RANBP2: variants seen among roughly 807,000 people sequenced by gnomAD.
RANBP2 encodes E3 SUMO-protein ligase RanBP2.
A neutral mutation model predicts 303.6 loss-of-function variants in RANBP2; 57 were observed. The ratio of observed to expected loss-of-function variants is 0.19; its 90% CI spans 0.15 to 0.23. RANBP2 has a LOEUF of 0.23. Among genes scored for constraint, RANBP2 ranks in the 10% least tolerant of loss-of-function variants. The pLI is 1.00. For synonymous variants in RANBP2, 1,167 were observed against 1,301.5 expected, an observed-to-expected ratio of 0.90 and a Z score of 2.23; for missense variants, 3,138 against 3,780.8, an observed-to-expected ratio of 0.83 and a Z score of 4.46.
At chr2:109,221,765 A>G in the RANBP2 span, among the ~76,000 whole-genome samples, 2 of 152,166 alleles carry the variant, frequency 1.3e-5, no homozygotes, top group African/African-American at 2.4e-5. Flanking sequence ...GTGGGAACAT[A>G]AATAAGGCAG....
At chr2:109,469,414 A>G in the RANBP2 span, among the ~76,000 whole-genome samples, 7 of 152,304 alleles carry the variant, frequency 4.6e-5, no homozygotes, top group East Asian at 9.7e-4. Context: ...TTGGTTTTCC[A>G]TGCATGCATC....
chr2:109,442,522 G>A, the RANBP2 span, among the ~76,000 whole-genome samples: 1 of 152,052 alleles, frequency 6.6e-6, no homozygotes, highest in African/African-American at 2.4e-5. Context: ...AAAAGTGAAA[G>A]CAATCTAGTT....
the RANBP2 span, among the ~76,000 whole-genome samples, chr2:109,311,566 G>T: frequency 6.6e-6 from 1 of 152,186 alleles, no homozygotes; most frequent in Non-Finnish European, 1.5e-5. Context: ...CCTGTTTGCA[G>T]ACGACATGAT....
rs1349655661 is a variant in RANBP2, at chr2:108,775,949, A to G, written c.8497+13A>G. The G allele has an allele frequency of 1.3e-6, 2 of 1,597,858 alleles. No homozygotes were observed. The highest frequency in any genetic ancestry group is 1.7e-6 in the Non-Finnish European group (2 of 1,173,262). Reference sequence around the variant, plus strand: ...TCTACAAGCCAAGGTAAATCTTGATATATGTTTATCATGTGTTACATAAGG... The same window carrying G: ...TCTACAAGCCAAGGTAAATCTTGATGTATGTTTATCATGTGTTACATAAGG... On this transcript the variant is annotated intron_variant, in intron 24 of 28. Coordinates refer to ENST00000283195, the MANE Select transcript of RANBP2 (RefSeq NM_006267.5).
At chr2:108,816,522 G>A in the RANBP2 span, among the ~76,000 whole-genome samples, 16 of 135,592 alleles carry the variant, frequency 1.2e-4, no homozygotes, top group African/African-American at 3.8e-4. Context: ...CTCCTGCAGA[G>A]TCCAGAGGTG....
At chr2:108,930,128 G>A in the RANBP2 span, 1 of 1,613,654 alleles carries the variant, frequency 6.2e-7, no homozygotes, top group Non-Finnish European at 8.5e-7. Flanking sequence ...ACCAGGTAGG[G>A]CTCCTCTCCC....
At chr2:109,480,297 C>T in the RANBP2 span, among the ~76,000 whole-genome samples, 1 of 152,314 alleles carries the variant, frequency 6.6e-6, no homozygotes, top group African/African-American at 2.4e-5. Context: ...TGTTTGATCC[C>T]CACAGCCACC....
chr2:109,235,222 T>G, the RANBP2 span, among the ~76,000 whole-genome samples: 4 of 152,130 alleles, frequency 2.6e-5, no homozygotes, highest in African/African-American at 9.7e-5. Flanking sequence ...ACAGCGAGCA[T>G]GTAAAATAGA....
chr2:109,131,807 A>G, the RANBP2 span, among the ~76,000 whole-genome samples: 2 of 152,236 alleles, frequency 1.3e-5, no homozygotes, highest in African/African-American at 4.8e-5. Context: ...TTATGGGTGC[A>G]TAGTCATGTT....
chr2:108,987,518 G>C, the RANBP2 span, among the ~76,000 whole-genome samples: 1 of 152,238 alleles, frequency 6.6e-6, no homozygotes, highest in East Asian at 1.9e-4. Flanking sequence ...CCAACAAAAT[G>C]AAAGTCCAGC....
chr2:109,206,976 A>G, the RANBP2 span, among the ~76,000 whole-genome samples: 2 of 152,174 alleles, frequency 1.3e-5, no homozygotes, highest in African/African-American at 2.4e-5. Context: ...ATGAACTTCA[A>G]CACACCTCTG....
chr2:109,189,114 G>A, the RANBP2 span, among the ~76,000 whole-genome samples: 1 of 152,142 alleles, frequency 6.6e-6, no homozygotes, highest in Admixed American at 6.5e-5. Context: ...TGCCTCCACT[G>A]CCTTGCTAGC....
chr2:109,324,290 G>A, the RANBP2 span, among the ~76,000 whole-genome samples: 1 of 152,108 alleles, frequency 6.6e-6, no homozygotes, highest in African/African-American at 2.4e-5. Context: ...AGTTTTTTGT[G>A]GACAGGTTTC....
the RANBP2 span, among the ~76,000 whole-genome samples, chr2:109,421,361 A>T: frequency 6.6e-6 from 1 of 152,200 alleles, no homozygotes; most frequent in African/African-American, 2.4e-5. Flanking sequence ...GTTCTATGAG[A>T]GCAAAGGCCT....
intron 20 of RANBP2, 139 bp from the exon 21 acceptor site, chr2:108,771,562 C>T: frequency 7.2e-7 from 1 of 1,397,812 alleles, no homozygotes. Flanking sequence ...TCATACATCT[C>T]TGCATCAAAG....
the RANBP2 span, among the ~76,000 whole-genome samples, chr2:108,797,647 T>C: frequency 0.64 from 97,485 of 152,018 alleles, 34,416 homozygotes; most frequent in East Asian, 0.9. Context: ...GGCAATATGA[T>C]CCTGAGCCTG....
chr2:109,671,753 G>GTGTA, the RANBP2 span, among the ~76,000 whole-genome samples: 1 of 151,900 alleles, frequency 6.6e-6, no homozygotes, highest in Non-Finnish European at 1.5e-5. Context: ...CCAGCCATGA[G>GTGTA]TGTAGCATTA....
Position 108,782,594 on chromosome 2 carries a change from A to G in RANBP2, c.9101A>G (p.Lys3034Arg), listed in dbSNP as rs970676624. 10 of 1,614,126 alleles carry G rather than the reference A, an allele frequency of 6.2e-6. No homozygotes were observed. Among genetic ancestry groups the G allele is most frequent in the Non-Finnish European group, 8.5e-6 (10 of 1,180,048 alleles). The part of the protein sequence containing the change: ...FKTKEVADCF[K>R]KTFEECQQNL... ...ACTAAAGAAGTAGCTGATTGTTTCA[A>G]GAAAACATTTGAAGAATGTCAGCAG... is the stretch of plus-strand genomic sequence containing the variant. The change falls in exon 28 of 29, where the codon AAG becomes AGG. Residue 3034 changes from lysine (K) to arginine (R), a missense_variant. This residue lies in a region of RANBP2 where 204 missense variants were observed against 228.4 expected (regional missense o/e 0.89). Transcript: ENST00000283195.
chr2:108,758,375 A>C (rs2149253865), intron 17 of RANBP2, 38 bp from the exon 18 acceptor site: 2 of 1,611,244 alleles, frequency 1.2e-6, no homozygotes, highest in Non-Finnish European at 1.7e-6. Flanking sequence ...GATATAATTA[A>C]ATGTTTAAAA....
Sources: allele counts gnomAD v4.1 joint callset (sites outside exome capture counted in the v4.1 genomes callset), GRCh38; gene constraint gnomAD v4.1.1; regional missense constraint gnomAD v4.1.1; transcripts MANE v1.5; gene names NCBI Gene and HGNC (gene_info 2026-07-23, HGNC 2026-07-21).